DCTN4: variants seen among roughly 807,000 people sequenced by gnomAD.
DCTN4 encodes dynactin 4 (p62).
DCTN4 carries 23 observed loss-of-function variants against 62.7 expected under a neutral mutation model. That is an observed-to-expected ratio of 0.37 (90% CI 0.26 to 0.52). The LOEUF (loss-of-function observed/expected upper bound fraction) is 0.52. DCTN4 is among the 20% of genes least tolerant of loss of function. The pLI is 0.92. For missense variants in DCTN4, 514 were observed against 580.4 expected (o/e 0.89, Z 1.18); for synonymous variants, 199 against 202.1 (o/e 0.98, Z 0.13).
intron 1 of DCTN4, chr5:150,758,159 C>T (rs538866113): frequency 1.0e-6 from 1 of 985,444 alleles, no homozygotes; most frequent in Non-Finnish European, 1.2e-6. Context: ...ATGTGCCAAG[C>T]GCTGCAGAAG....
intron 10 of DCTN4, 100 bp from the exon 11 acceptor site, chr5:150,718,483 A>G (rs371517030): frequency 1.9e-5 from 14 of 727,666 alleles, no homozygotes; most frequent in South Asian, 1.5e-4. Flanking sequence ...CTCCTGGGCA[A>G]TGACGCCCTA....
intron 1 of DCTN4, chr5:150,758,542 G>A: frequency 9.5e-7 from 1 of 1,053,624 alleles, no homozygotes; most frequent in Non-Finnish European, 1.1e-6. Context: ...TAAGTGGCCT[G>A]AACTAAGCAC....
intron 3 of DCTN4, among the ~76,000 whole-genome samples, chr5:150,747,751 A>G (rs1394493658): frequency 6.7e-6 from 1 of 149,848 alleles, no homozygotes; most frequent in Non-Finnish European, 1.5e-5. Flanking sequence ...AGAAAGCTGA[A>G]ACTGGATCCC....
Position 150,756,470 on chromosome 5 carries a change from A to G in DCTN4, c.153T>C (p.Cys51=), listed in dbSNP as rs199652242. ...ATGGCATATTTTCTAAACAACTGGG[A>G]CAATAATGGGAGTCCACCTAGGAGG... The part of the protein sequence containing the change: ...CVSHEVDSHY[C]PSCLENMPSA... Residue 51 remains cysteine (C), a synonymous_variant, in exon 2 of 13, where the codon TGT becomes TGC. Transcript: ENST00000447998. 75 of 1,603,958 alleles carry G rather than the reference A, an allele frequency of 4.7e-5. No homozygotes were observed. In the East Asian group the frequency reaches 1.5e-3, roughly 32 times the overall value.
intron 1 of DCTN4, among the ~76,000 whole-genome samples, chr5:150,757,101 A>T (rs1458296627): frequency 2.6e-5 from 4 of 152,188 alleles, no homozygotes; most frequent in Non-Finnish European, 5.9e-5. Flanking sequence ...ATTTTCTTTA[A>T]TGTAGGTCCT....
chr5:150,721,486 T>G (rs981281315), intron 9 of DCTN4, among the ~76,000 whole-genome samples: 5 of 152,230 alleles, frequency 3.3e-5, no homozygotes, highest in Non-Finnish European at 7.3e-5. Flanking sequence ...CCAAAAAGAC[T>G]AGCAATTCAA....
intron 3 of DCTN4, among the ~76,000 whole-genome samples, chr5:150,751,702 C>T (rs558719372): frequency 1.3e-5 from 2 of 152,202 alleles, no homozygotes; most frequent in African/African-American, 2.4e-5. Flanking sequence ...TAGCTACCCA[C>T]CAATGAGCAT....
At chr5:150,731,963 A>G in intron 5 of DCTN4, 2 of 1,498,170 alleles carry the variant, frequency 1.3e-6, no homozygotes, top group Non-Finnish European at 9.1e-7. Context: ...GCAGCATAAG[A>G]TAGAAGCAAA....
rs1760007768 is a variant in DCTN4 at position 150,722,988 on chromosome 5, GAAAAC to G, written c.835-13_835-9del. 6.3e-7 allele frequency: 1 copy of G among 1,595,248 alleles called. No individual in the cohort carries two copies. The highest frequency in any genetic ancestry group is 8.6e-7 in the Non-Finnish European group (1 of 1,164,952). On this transcript the variant is annotated splice_polypyrimidine_tract_variant and intron_variant, in intron 8 of 12. Coordinates refer to ENST00000447998, the MANE Select transcript of DCTN4 (RefSeq NM_016221.4). ...CAAATTATGTTCACATTTCTAAAAA[GAAAAC>G]AAATATAACACGTATCAGAAGACAA...
intron 12 of DCTN4, among the ~76,000 whole-genome samples, chr5:150,713,886 T>G (rs1465590823): frequency 6.6e-6 from 1 of 151,762 alleles, no homozygotes; most frequent in African/African-American, 2.4e-5. Flanking sequence ...GGAGACCAAG[T>G]CGGGTGGATC....
At chr5:150,717,339 T>C (rs1759798800) in intron 11 of DCTN4, among the ~76,000 whole-genome samples, 1 of 152,210 alleles carries the variant, frequency 6.6e-6, no homozygotes, top group South Asian at 2.1e-4. Context: ...AATCACTGTC[T>C]CCCGGGTTCA....
chr5:150,746,550 G>A (rs1760971945), intron 3 of DCTN4, among the ~76,000 whole-genome samples: 1 of 152,094 alleles, frequency 6.6e-6, no homozygotes, highest in South Asian at 2.1e-4. Context: ...TAAAATACTG[G>A]CAAACCGAAT....
intron 2 of DCTN4, among the ~76,000 whole-genome samples, chr5:150,756,187 G>T (rs1404544843): frequency 6.6e-6 from 1 of 151,890 alleles, no homozygotes; most frequent in African/African-American, 2.4e-5. Flanking sequence ...GACTACAGGC[G>T]CGTGCCACCA....
intron 11 of DCTN4, among the ~76,000 whole-genome samples, chr5:150,715,937 T>C (rs1006233110): frequency 2.6e-5 from 4 of 152,186 alleles, no homozygotes; most frequent in African/African-American, 9.7e-5. Context: ...GGAGTCTCAC[T>C]CTGTCGCCCA....
In DCTN4 at chr5:150,754,879, C is replaced by CT. The variant is rs199796465; in HGVS notation, c.207-1223dup. Among the ~76,000 whole-genome samples the CT allele has an allele frequency of 5.5e-3, 843 of 152,160 alleles. 7 individuals carry two copies. The highest frequency in any genetic ancestry group is 0.02 in the African/African-American group (818 of 41,496). On this transcript the variant is annotated intron_variant, in intron 2 of 12. Coordinates refer to ENST00000447998, the MANE Select transcript of DCTN4 (RefSeq NM_016221.4). ...TCAGGAGGCTGAGGTGGAAGGACTG[C>CT]TTGAGCCTGGGAGGTTGAGGTTGCA...
chr5:150,718,927 T>G (rs1759866370), intron 10 of DCTN4, among the ~76,000 whole-genome samples: 1 of 152,084 alleles, frequency 6.6e-6, no homozygotes, highest in Non-Finnish European at 1.5e-5. Context: ...CAGGTGATCC[T>G]CCCATCTCAG....
Position 150,753,589 on chromosome 5 carries a change from G to A in DCTN4, c.275C>T (p.Thr92Ile). ...TLSTRATSIS[T>I]QLPDDPAKTT... ...CTTGGCTGGGTCATCTGGAAGCTGTGTGGAGATGCTCGTGGCCCGAGTAGA... is the reference window on the plus strand; with the variant it reads ...CTTGGCTGGGTCATCTGGAAGCTGTATGGAGATGCTCGTGGCCCGAGTAGA... The change falls in exon 3 of 13, where the codon ACA becomes ATA. Residue 92 changes from threonine (T) to isoleucine (I), a missense_variant. Transcript: ENST00000447998. 6.2e-7 allele frequency: 1 copy of A among 1,614,182 alleles called. No individual in the cohort carries two copies. The highest frequency in any genetic ancestry group is 8.5e-7 in the Non-Finnish European group (1 of 1,180,024).
intron 3 of DCTN4, among the ~76,000 whole-genome samples, chr5:150,746,281 G>C (rs941317599): frequency 3.6e-5 from 5 of 137,702 alleles, no homozygotes; most frequent in African/African-American, 1.8e-4. Context: ...AACAGGCTCT[G>C]AAATTGAGGC....
At chr5:150,728,769 ATTAT>A (rs1760245762) in intron 8 of DCTN4, among the ~76,000 whole-genome samples, 1 of 151,958 alleles carries the variant, frequency 6.6e-6, no homozygotes, top group Non-Finnish European at 1.5e-5. Flanking sequence ...AATTTGCTTT[ATTAT>A]TTAGACTGAC....
Sources: gnomAD v4.1 joint callset for allele counts (sites outside exome capture counted in the v4.1 genomes callset) on GRCh38, gnomAD v4.1.1 for gene constraint, MANE v1.5 for transcripts, NCBI Gene and HGNC (gene_info 2026-07-23, HGNC 2026-07-21) for gene names.